Variants in GRM7 observed in about 807,000 individuals in gnomAD.
GRM7 encodes metabotropic glutamate receptor 7.
Under a neutral mutation model 84.5 loss-of-function variants are expected in GRM7, and 35 were observed. The ratio of observed to expected loss-of-function variants is 0.41; its 90% CI spans 0.32 to 0.55. The LOEUF is 0.55. Ranked by LOEUF, GRM7 falls within the 20% of genes least tolerant of loss-of-function variation. The pLI is 0.19. For missense variants in GRM7, 1,003 were observed against 1,194.6 expected, an observed-to-expected ratio of 0.84 and a Z score of 2.36; for synonymous variants, 487 against 455.1, an observed-to-expected ratio of 1.07 and a Z score of -0.89.
intron 4 of GRM7, among the ~76,000 whole-genome samples, chr3:7,329,904 T>A (rs6786986): frequency 0.65 from 98,341 of 151,698 alleles, 33,407 homozygotes; most frequent in African/African-American, 0.87. Context: ...TATATTAATT[T>A]TCCAGTTGTG....
intron 2 of GRM7, among the ~76,000 whole-genome samples, chr3:7,290,982 GT>G (rs1427548038): frequency 6.6e-6 from 1 of 152,022 alleles, no homozygotes. Flanking sequence ...TGCTGTTCCA[GT>G]TTCTTTGTGG....
rs571158526 is a variant in GRM7, at chr3:7,329,685, G to A, written c.1033+23033G>A. On this transcript the variant is annotated intron_variant, in intron 4 of 9. Coordinates refer to ENST00000357716, the MANE Select transcript of GRM7 (RefSeq NM_000844.4). ...TATGTAACTTAAAAGTATACCTGGT[G>A]TGTCTCATCTATGATTTCATGGCTG... Among the ~76,000 whole-genome samples, 28 of 152,242 alleles carry A rather than the reference G, an allele frequency of 1.8e-4. No homozygotes were observed. In the South Asian group the frequency reaches 3.5e-3, roughly 19 times the overall value.
At chr3:6,994,811 C>G (rs1029444340) in intron 1 of GRM7, among the ~76,000 whole-genome samples, 9 of 152,110 alleles carry the variant, frequency 5.9e-5, no homozygotes, top group African/African-American at 1.9e-4. Context: ...TGTTGTTTTT[C>G]TGAAGTCTTT....
Position 7,578,994 on chromosome 3 carries a change from C to T in GRM7, c.2088C>T (p.Leu696=). ...AGAAATCAGTAACAGCTCCCAGACT[C>T]ATAAGCCCAACATCACAACTGGCAA... The part of the protein sequence containing the change: ...QGKKSVTAPR[L]ISPTSQLAIT... Residue 696 remains leucine (L), a synonymous_variant, in exon 8 of 10, where the codon CTC becomes CTT. Transcript: ENST00000357716. 2 of 1,614,076 alleles carry T rather than the reference C, an allele frequency of 1.2e-6. No individual in the cohort carries two copies. The highest frequency in any genetic ancestry group is 1.7e-6 in the Non-Finnish European group (2 of 1,179,976).
intron 1 of GRM7, among the ~76,000 whole-genome samples, chr3:6,932,439 G>C (rs916596576): frequency 2.0e-5 from 3 of 152,068 alleles, no homozygotes; most frequent in Non-Finnish European, 4.4e-5. Context: ...AATGGCCCAA[G>C]CATTTCTTAT....
At chr3:7,543,993 C>A (rs1193046206) in intron 7 of GRM7, among the ~76,000 whole-genome samples, 1 of 152,124 alleles carries the variant, frequency 6.6e-6, no homozygotes, top group Non-Finnish European at 1.5e-5. Context: ...ACAATTATGT[C>A]AGGAAATCTA....
At chr3:6,993,491 G>A (rs1154358) in intron 1 of GRM7, among the ~76,000 whole-genome samples, 69,246 of 152,024 alleles carry the variant, frequency 0.46, 15,947 homozygotes, top group South Asian at 0.55. Context: ...CATGGTGTGC[G>A]TCCAGTAAGT....
At chr3:6,991,998 T>C (rs916877008) in intron 1 of GRM7, among the ~76,000 whole-genome samples, 14 of 149,782 alleles carry the variant, frequency 9.3e-5, no homozygotes, top group Admixed American at 1.3e-4. Context: ...AAACTATCAA[T>C]GCCATCTGCC....
chr3:7,350,160 G>A (rs1693074469), intron 4 of GRM7, among the ~76,000 whole-genome samples: 1 of 151,948 alleles, frequency 6.6e-6, no homozygotes, highest in Non-Finnish European at 1.5e-5. Context: ...AAGTATTTAG[G>A]GTGCTTCTCC....
rs145965752 is a variant in GRM7, at chr3:7,505,099, A to G, written c.1515+43377A>G. 3.3e-3 allele frequency among the ~76,000 whole-genome samples: 496 copies of G among 152,356 alleles called. 5 individuals carry two copies. Among genetic ancestry groups the G allele is most frequent in the Middle Eastern group, 6.8e-3 (2 of 294 alleles). On this transcript the variant is annotated intron_variant, in intron 7 of 9. Coordinates refer to ENST00000357716, the MANE Select transcript of GRM7 (RefSeq NM_000844.4). ...AGGGAAAGGAAGCAAGAAAAAAGGC[A>G]TAACTGGTTCCAAGTAAGTCAAAAA... is the stretch of plus-strand genomic sequence containing the variant.
intron 4 of GRM7, among the ~76,000 whole-genome samples, chr3:7,315,867 A>G (rs1350723630): frequency 6.6e-6 from 1 of 152,130 alleles, no homozygotes; most frequent in African/African-American, 2.4e-5. Context: ...CTGTGGAGGG[A>G]CAGGAGCTTG....
rs552272438 is a variant in GRM7, at chr3:7,229,947, C to T, written c.737-68737C>T. ...CTCCGCCTCCCGGGTTCACGCCATT[C>T]TCCTGCCTCAGCCTCCCGAGTAGCT... On this transcript the variant is annotated intron_variant, in intron 2 of 9. Coordinates refer to ENST00000357716, the MANE Select transcript of GRM7 (RefSeq NM_000844.4). Among the ~76,000 whole-genome samples, 273 of 144,818 alleles carry T rather than the reference C, an allele frequency of 1.9e-3. 6 individuals carry two copies. Among genetic ancestry groups the T allele is most frequent in the Admixed American group, 0.016 (226 of 14,158 alleles).
Position 7,486,532 on chromosome 3 carries a change from T to C in GRM7, c.1515+24810T>C, listed in dbSNP as rs893421321. ...TGAGTTTTTGCTTTCCTGGACTGGA[T>C]TATTTGCCAGAAAAGTGGGGTGCTA... On this transcript the variant is annotated intron_variant, in intron 7 of 9. Transcript: ENST00000357716. The surrounding 1 kb of genome is among the most constrained non-coding windows in gnomAD (Gnocchi z 5.5). 3.3e-5 allele frequency among the ~76,000 whole-genome samples: 5 copies of C among 152,000 alleles called. No individual in the cohort carries two copies. Among genetic ancestry groups the C allele is most frequent in the African/African-American group, 9.7e-5 (4 of 41,372 alleles).
chr3:7,287,327 T>A (rs1323242171), intron 2 of GRM7, among the ~76,000 whole-genome samples: 1 of 152,168 alleles, frequency 6.6e-6, no homozygotes, highest in Non-Finnish European at 1.5e-5. Context: ...TGAGCAAGAC[T>A]TCAAGAGAAG....
chr3:7,666,143 A>G (rs183775430), intron 8 of GRM7, among the ~76,000 whole-genome samples: 1 of 152,126 alleles, frequency 6.6e-6, no homozygotes, highest in African/African-American at 2.4e-5. Flanking sequence ...AGAAAATTCA[A>G]ATTGGTGGGG....
At chr3:7,514,427 A>T (rs1370140593) in intron 7 of GRM7, among the ~76,000 whole-genome samples, 1 of 152,230 alleles carries the variant, frequency 6.6e-6, no homozygotes, top group East Asian at 1.9e-4. Flanking sequence ...AGCTTACCAG[A>T]GTATTCCGAC....
At chr3:6,917,058 G>T (rs1413412574) in intron 1 of GRM7, among the ~76,000 whole-genome samples, 1 of 152,104 alleles carries the variant, frequency 6.6e-6, no homozygotes, top group Non-Finnish European at 1.5e-5. Context: ...TCCCAGCCAT[G>T]CCAGTCACTA....
intron 1 of GRM7, among the ~76,000 whole-genome samples, chr3:7,040,217 A>G (rs553501277): frequency 3.3e-5 from 5 of 152,350 alleles, no homozygotes; most frequent in African/African-American, 1.2e-4. Flanking sequence ...ATAGCTGAAC[A>G]TTGATAACTC....
At chr3:7,429,047 G>T (rs546487729) in intron 5 of GRM7, among the ~76,000 whole-genome samples, 79 of 152,222 alleles carry the variant, frequency 5.2e-4, no homozygotes, top group African/African-American at 1.7e-3. Flanking sequence ...GAGTAGTAAA[G>T]AACAAAGACT....
Sources: allele counts gnomAD v4.1 joint callset (sites outside exome capture counted in the v4.1 genomes callset), GRCh38; gene constraint gnomAD v4.1.1; non-coding constraint Gnocchi (gnomAD v3.1); transcripts MANE v1.5; gene names NCBI Gene and HGNC (gene_info 2026-07-23, HGNC 2026-07-21).